Variants in ELMO1 observed in about 807,000 individuals in gnomAD.
ELMO1 encodes the protein engulfment and cell motility protein 1.
In ELMO1, 26 loss-of-function variants were observed where a neutral mutation model predicts 98.9. The observed-to-expected ratio is 0.26, with a 90% CI of 0.19 to 0.36. The LOEUF (loss-of-function observed/expected upper bound fraction) is 0.36, where lower values mean the gene tolerates loss of function less well. Ranked by LOEUF, ELMO1 falls within the 10% of genes least tolerant of loss-of-function variation. The pLI, the probability that ELMO1 is intolerant of heterozygous loss-of-function variation, is 1.00. For missense variants in ELMO1, 627 were observed against 935.2 expected, an observed-to-expected ratio of 0.67 and a Z score of 4.30; for synonymous variants, 346 against 346.0, an observed-to-expected ratio of 1.00 and a Z score of 0.00.
chr7:36,948,027 T>C (rs1405090473), intron 16 of ELMO1, among the ~76,000 whole-genome samples: 2 of 152,206 alleles, frequency 1.3e-5, no homozygotes, highest in Non-Finnish European at 2.9e-5. Context: ...TGTGCGTTCT[T>C]TGACTTATTA....
Position 37,316,956 on chromosome 7 carries a change from G to A in ELMO1, c.79-996C>T, listed in dbSNP as rs117776981. ...CCAGCTCTATCAGCTTGTTTGCAGC[G>A]TAAGTAACCGCAATTTTCTTCATTT... On this transcript the variant is annotated intron_variant, in intron 2 of 21. Coordinates refer to ENST00000310758, the MANE Select transcript of ELMO1 (RefSeq NM_014800.11). Among the ~76,000 whole-genome samples the A allele has an allele frequency of 4.8e-4, 73 of 152,156 alleles. No individual in the cohort carries two copies. In the East Asian group the frequency reaches 7.5e-3, roughly 16 times the overall value.
intron 1 of ELMO1, among the ~76,000 whole-genome samples, chr7:37,432,762 C>G (rs1416874417): frequency 6.6e-6 from 1 of 152,238 alleles, no homozygotes; most frequent in Non-Finnish European, 1.5e-5. Flanking sequence ...GAGGAAAAAA[C>G]AGACGCTTCA....
Position 37,123,556 on chromosome 7 carries a change from C to G in ELMO1, c.1191+9574G>C, listed in dbSNP as rs557240809. 1.4e-3 allele frequency among the ~76,000 whole-genome samples: 208 copies of G among 152,184 alleles called. 4 individuals carry two copies. The highest frequency in any genetic ancestry group is 2.7e-3 in the Non-Finnish European group (183 of 67,974). On this transcript the variant is annotated intron_variant, in intron 14 of 21. Transcript: ENST00000310758. ...ATCTAGAAGAAATGGATAAATTCCTCGACACATACACCCTCCCAAGACTAA... is the reference window on the plus strand; with the variant it reads ...ATCTAGAAGAAATGGATAAATTCCTGGACACATACACCCTCCCAAGACTAA...
intron 15 of ELMO1, among the ~76,000 whole-genome samples, chr7:37,068,306 G>A (rs1584593698): frequency 6.6e-6 from 1 of 152,182 alleles, no homozygotes; most frequent in Admixed American, 6.5e-5. Context: ...TGACGTTAAA[G>A]AGATATTCTT....
intron 16 of ELMO1, among the ~76,000 whole-genome samples, chr7:36,980,296 T>A (rs751795673): frequency 6.6e-6 from 1 of 152,208 alleles, no homozygotes; most frequent in Non-Finnish European, 1.5e-5. Flanking sequence ...GTAAGACAAT[T>A]CTGATATCTC....
chr7:36,945,582 C>T (rs1267589493), intron 16 of ELMO1, among the ~76,000 whole-genome samples: 2 of 152,130 alleles, frequency 1.3e-5, no homozygotes, highest in East Asian at 1.9e-4. Flanking sequence ...AATAAGAATG[C>T]CTCTGTTTTT....
At chr7:36,954,749 T>C (rs1788300575) in intron 16 of ELMO1, among the ~76,000 whole-genome samples, 1 of 152,196 alleles carries the variant, frequency 6.6e-6, no homozygotes, top group African/African-American at 2.4e-5. Context: ...TAAGATCTTT[T>C]AGGACAGTTT....
At chr7:37,314,643 C>T (rs935730735) in intron 4 of ELMO1, among the ~76,000 whole-genome samples, 5 of 152,086 alleles carry the variant, frequency 3.3e-5, no homozygotes, top group Non-Finnish European at 7.3e-5. Context: ...AAACAAGACA[C>T]GAAACATATT....
rs773267309 is a variant in ELMO1 at position 36,984,118 on chromosome 7, C to T, written c.1437+29181G>A. On this transcript the variant is annotated intron_variant, in intron 16 of 21. Transcript: ENST00000310758. ...AAGGCGAAATGGACATTGACTCTAA[C>T]GAGCTGACTGTCACTTAATGCACAT... Among the ~76,000 whole-genome samples, 3 of 152,258 alleles carry T rather than the reference C, an allele frequency of 2.0e-5. No individual in the cohort carries two copies. The East Asian group carries it at 5.8e-4, about 29-fold the overall frequency.
At chr7:37,026,106 AT>A (rs1275673547) in intron 15 of ELMO1, among the ~76,000 whole-genome samples, 3 of 152,134 alleles carry the variant, frequency 2.0e-5, no homozygotes, top group Non-Finnish European at 4.4e-5. Context: ...TACGAGGAAA[AT>A]TATTCAGAGA....
intron 13 of ELMO1, among the ~76,000 whole-genome samples, chr7:37,153,956 G>C (rs539498099): frequency 2.6e-5 from 4 of 152,268 alleles, no homozygotes; most frequent in African/African-American, 9.6e-5. Context: ...AAAGCTTCCA[G>C]AGGAAGGATC....
At chr7:37,156,050 T>A (rs1460776172) in intron 13 of ELMO1, among the ~76,000 whole-genome samples, 1 of 152,164 alleles carries the variant, frequency 6.6e-6, no homozygotes, top group East Asian at 1.9e-4. Context: ...ACGTGGAAAC[T>A]GAACAACCTG....
chr7:37,055,777 A>G (rs1208760075), intron 15 of ELMO1, among the ~76,000 whole-genome samples: 1 of 152,170 alleles, frequency 6.6e-6, no homozygotes. Context: ...TGCCAATTCT[A>G]GTGGGCACCA....
At chr7:37,233,504 A>G (rs1045264641) in intron 7 of ELMO1, among the ~76,000 whole-genome samples, 8 of 152,034 alleles carry the variant, frequency 5.3e-5, no homozygotes, top group Non-Finnish European at 7.4e-5. Flanking sequence ...CTGAGCCTCT[A>G]TTTTTTCAGC....
chr7:36,872,642 T>C (rs2129041538), intron 19 of ELMO1, among the ~76,000 whole-genome samples: 1 of 152,256 alleles, frequency 6.6e-6, no homozygotes, highest in East Asian at 1.9e-4. Context: ...AAATCCCTTT[T>C]CATAACCAAG....
At chr7:37,126,329 A>ATATATAT (rs1563019733) in intron 14 of ELMO1, among the ~76,000 whole-genome samples, 7 of 142,384 alleles carry the variant, frequency 4.9e-5, no homozygotes, top group South Asian at 2.2e-4. Context: ...ATATATATAT[A>ATATATAT]AAAGAAAAGA....
intron 14 of ELMO1, among the ~76,000 whole-genome samples, chr7:37,125,331 C>T (rs1231535750): frequency 2.6e-5 from 4 of 151,956 alleles, no homozygotes; most frequent in Non-Finnish European, 2.9e-5. Context: ...AAAGAAACTA[C>T]CATCAGAGTG....
At chr7:37,184,751 A>G (rs1791096446) in intron 13 of ELMO1, among the ~76,000 whole-genome samples, 1 of 151,934 alleles carries the variant, frequency 6.6e-6, no homozygotes, top group Non-Finnish European at 1.5e-5. Flanking sequence ...CTACCCCCCA[A>G]AAAAGACAAA....
intron 15 of ELMO1, among the ~76,000 whole-genome samples, chr7:37,016,664 G>A (rs1294670646): frequency 2.0e-5 from 3 of 152,202 alleles, no homozygotes; most frequent in Non-Finnish European, 2.9e-5. Context: ...ACTCGGCCAT[G>A]AGATAGCAGT....
Sources: allele counts gnomAD v4.1 joint callset (sites outside exome capture counted in the v4.1 genomes callset), GRCh38; gene constraint gnomAD v4.1.1; transcripts MANE v1.5; gene names NCBI Gene and HGNC (gene_info 2026-07-23, HGNC 2026-07-21).